The following OTOP2 variants were observed in gnomAD, a reference collection of about 807,000 sequenced individuals.
The protein encoded by OTOP2 is otopetrin 2.
A neutral mutation model predicts 47.4 loss-of-function variants in OTOP2; 41 were observed. The observed-to-expected ratio is 0.87, with a 90% CI of 0.67 to 1.12. The LOEUF is 1.12. OTOP2 is among the 50% of genes most tolerant of loss of function. The pLI is 0.00. For missense variants in OTOP2, 721 were observed against 752.2 expected (o/e 0.96, Z 0.49); for synonymous variants, 328 against 319.6 (o/e 1.03, Z -0.28).
rs764156392 is a variant in OTOP2 at position 74,925,700 on chromosome 17, G to A, written c.450+8G>A. 2.0e-5 allele frequency: 33 copies of A among 1,613,938 alleles called. No homozygotes were observed. Among genetic ancestry groups the A allele is most frequent in the Non-Finnish European group, 2.6e-5 (31 of 1,179,978 alleles). ...GTGTTTGTCATCATCCAGGTGGGTGGAGGAGTGTCGCTGTGTGGAAGAAAG... is the reference window on the plus strand; with the variant it reads ...GTGTTTGTCATCATCCAGGTGGGTGAAGGAGTGTCGCTGTGTGGAAGAAAG... On this transcript the variant is annotated splice_region_variant and intron_variant, in intron 3 of 6. Coordinates refer to ENST00000331427, the MANE Select transcript of OTOP2 (RefSeq NM_178160.3).
Position 74,927,264 on chromosome 17 carries a change from C to G in OTOP2, c.492C>G (p.Val164=), listed in dbSNP as rs2144765094. 1.2e-6 allele frequency: 2 copies of G among 1,613,492 alleles called. No individual in the cohort carries two copies. Among genetic ancestry groups the G allele is most frequent in the East Asian group, 2.2e-5 (1 of 44,884 alleles). Residue 164 remains valine, a synonymous_variant, in exon 4 of 7, where the codon GTC becomes GTG. Coordinates refer to ENST00000331427, the MANE Select transcript of OTOP2 (RefSeq NM_178160.3). ...TCTCTGCTAAAGACTGCGTTCACGT[C>G]CACCTGGATCTGACCTGGTGAGAAC... ...LWVSAKDCVH[V]HLDLTWCGLM...
At chr17:74,925,121 G>A (rs1176728984) in intron 2 of OTOP2, among the ~76,000 whole-genome samples, 176 bp downstream of exon 2, 1 of 152,142 alleles carries the variant, frequency 6.6e-6, no homozygotes, top group African/African-American at 2.4e-5. Flanking sequence ...GAAGGTAAGG[G>A]GTCCTGGGGG....
At chr17:74,928,920 G>A (rs1434869574) in intron 5 of OTOP2, among the ~76,000 whole-genome samples, 2 of 152,134 alleles carry the variant, frequency 1.3e-5, no homozygotes, top group African/African-American at 2.4e-5. Flanking sequence ...CCTGCACAGA[G>A]AGGACTCCTG....
At chr17:74,928,567 T>TA (rs1383331917) in intron 5 of OTOP2, among the ~76,000 whole-genome samples, 1 of 152,114 alleles carries the variant, frequency 6.6e-6, no homozygotes, top group Admixed American at 6.5e-5. Flanking sequence ...CTGAGTGTCT[T>TA]AAACACTCCA....
rs771418941 is a variant in OTOP2 at position 74,927,796 on chromosome 17, AC to A, written c.643del (p.Gln215SerfsTer100). 1 of 1,613,710 alleles carries A rather than the reference AC, an allele frequency of 6.2e-7. No homozygotes were observed. The highest frequency in any genetic ancestry group is 1.7e-5 in the Admixed American group (1 of 59,950). ...SNASHARLIS[D>X]QHADNPVGGD... is the part of the protein sequence containing the mutation. Reference sequence around the variant, plus strand: ...GCCAGCCACGCCCGTCTCATCTCTGACCGTGAGTTTCCTCTTAATGCTGGCC... The same window carrying A: ...GCCAGCCACGCCCGTCTCATCTCTGACGTGAGTTTCCTCTTAATGCTGGCC... On this transcript the variant is annotated frameshift_variant and splice_region_variant, in exon 5 of 7. Coordinates refer to ENST00000331427, the MANE Select transcript of OTOP2 (RefSeq NM_178160.3). LOFTEE classifies it high-confidence loss of function.
rs766711069 is a variant in OTOP2, at chr17:74,930,697, C to T, written c.1062C>T (p.Arg354=). ...GCTCCATCATCTACCGTTTTGACCG[C>T]CGGGCCATGGACCACCATAAGAACC... ...LSGSIIYRFD[R]RAMDHHKNPT... Residue 354 remains arginine (R), a synonymous_variant, in exon 6 of 7, where the codon CGC becomes CGT. Transcript: ENST00000331427. This position sits in a 1 kb window ranked among gnomAD's most constrained non-coding sequence, Gnocchi z 4.0. The T allele has an allele frequency of 1.2e-6, 2 of 1,614,118 alleles. No homozygotes were observed. The highest frequency in any genetic ancestry group is 2.2e-5 in the South Asian group (2 of 91,078).
Position 74,933,440 on chromosome 17 carries a change from C to T in OTOP2, c.1584C>T (p.Tyr528=), listed in dbSNP as rs200097991. Residue 528 remains tyrosine (Y), a synonymous_variant, in exon 7 of 7, where the codon TAC becomes TAT. Coordinates refer to ENST00000331427, the MANE Select transcript of OTOP2 (RefSeq NM_178160.3). This position sits in a 1 kb window ranked among gnomAD's most constrained non-coding sequence, Gnocchi z 4.7. The part of the protein sequence containing the change: ...HFSNTVEVDF[Y]GYSLWAVIVN... Reference sequence around the variant, plus strand: ...GCAACACAGTGGAGGTGGATTTCTACGGCTACTCCCTCTGGGCGGTCATCG... The same window carrying T: ...GCAACACAGTGGAGGTGGATTTCTATGGCTACTCCCTCTGGGCGGTCATCG... 4.2e-4 allele frequency: 673 copies of T among 1,614,132 alleles called. 1 individual carries two copies. The highest frequency in any genetic ancestry group is 2.8e-3 in the Admixed American group (169 of 60,030).
chr17:74,925,036 T>C (rs746909582), intron 2 of OTOP2, 91 bp downstream of exon 2: 16 of 1,400,698 alleles, frequency 1.1e-5, no homozygotes, highest in Non-Finnish European at 1.5e-5. Flanking sequence ...CAGATTGACA[T>C]ACGAGGGCGA....
intron 5 of OTOP2, 171 bp downstream of exon 5, chr17:74,927,969 C>T: frequency 1.1e-6 from 1 of 895,368 alleles, no homozygotes; most frequent in Non-Finnish European, 1.6e-6. Flanking sequence ...GTAGGTGACC[C>T]CAGAAGGGAA....
intron 3 of OTOP2, among the ~76,000 whole-genome samples, 155 bp from the exon 4 acceptor site, chr17:74,927,068 C>T (rs1443375938): frequency 6.6e-6 from 1 of 152,226 alleles, no homozygotes; most frequent in Non-Finnish European, 1.5e-5. Flanking sequence ...AGCCACTGCA[C>T]CCAGCCTCCA....
chr17:74,930,194 A>G lies in OTOP2; in HGVS notation c.644-85A>G. 1 of 544,368 alleles carries G rather than the reference A, an allele frequency of 1.8e-6. No individual in the cohort carries two copies. Among genetic ancestry groups the G allele is most frequent in the Non-Finnish European group, 2.6e-6 (1 of 388,280 alleles). 33.7% of individuals were successfully genotyped at this position (544,368 alleles called of 1,614,324 possible). On this transcript the variant is annotated intron_variant, in intron 5 of 6. Transcript: ENST00000331427. The surrounding 1 kb of genome is among the most constrained non-coding windows in gnomAD (Gnocchi z 4.0). ...GTGAAACTCCGTCTCAAAACAAAAC[A>G]AAAAAAAAAAGGTCACAGGCTAGGG...
intron 3 of OTOP2, among the ~76,000 whole-genome samples, chr17:74,926,508 A>G (rs947131671): frequency 1.3e-5 from 2 of 152,058 alleles, no homozygotes; most frequent in Non-Finnish European, 2.9e-5. Flanking sequence ...TGAGAAGTCC[A>G]CAGAGACTCC....
In OTOP2 at chr17:74,924,938, G is replaced by T; in HGVS notation, c.306G>T (p.Trp102Cys). The change falls in exon 2 of 7, where the codon TGG (tryptophan) becomes TGT (cysteine). Residue 102 changes from tryptophan (W) to cysteine (C), a missense_variant. Physicochemically the swap from Trp to Cys is radical, Grantham distance 215. Coordinates refer to ENST00000331427, the MANE Select transcript of OTOP2 (RefSeq NM_178160.3). This position sits in a 1 kb window ranked among gnomAD's most constrained non-coding sequence, Gnocchi z 7.7. ...PYRDAHAGPI[W>C]LRGGLVLFGI... ...GGGACGCGCACGCTGGCCCCATCTG[G>T]CTCCGAGGTGCCAGGGGAGGTGGGG... The T allele has an allele frequency of 1.3e-6, 2 of 1,558,950 alleles. No individual in the cohort carries two copies. The highest frequency in any genetic ancestry group is 8.7e-7 in the Non-Finnish European group (1 of 1,150,284).
At position 74,933,406 on chromosome 17, in the gene OTOP2, C is replaced by A; in HGVS notation, c.1550C>A (p.Pro517His). ...ATCATGCCTGCCTTCGGGGCCCGCC[C>A]TCATTTCAGCAACACAGTGGAGGTG... ...LWIMPAFGARPHFSNTVEVDF... is the reference protein window; with the variant it reads ...LWIMPAFGARHHFSNTVEVDF... The change falls in exon 7 of 7, where the codon CCT becomes CAT. Residue 517 changes from proline (P) to histidine (H), a missense_variant. Pro to His is a moderately conservative substitution (Grantham distance 77). Coordinates refer to ENST00000331427, the MANE Select transcript of OTOP2 (RefSeq NM_178160.3). This position sits in a 1 kb window ranked among gnomAD's most constrained non-coding sequence, Gnocchi z 4.7. The A allele has an allele frequency of 6.2e-7, 1 of 1,613,148 alleles. No homozygotes were observed. Among genetic ancestry groups the A allele is most frequent in the Non-Finnish European group, 8.5e-7 (1 of 1,179,146 alleles).
chr17:74,924,897 T>C lies in OTOP2; in HGVS notation c.265T>C (p.Cys89Arg), dbSNP rs989475118. 6.3e-7 allele frequency: 1 copy of C among 1,594,706 alleles called. No homozygotes were observed. Among genetic ancestry groups the C allele is most frequent in the South Asian group, 1.1e-5 (1 of 88,178 alleles). ...FYLLRTVRCP[C>R]AVPYRDAHAG... ...CCTCCTCCGAACCGTGCGCTGCCCC[T>C]GCGCGGTACCCTACCGGGACGCGCA... The change falls in exon 2 of 7, where the codon TGC becomes CGC. Residue 89 changes from cysteine to arginine, a missense_variant. Cys to Arg is a radical substitution (Grantham distance 180). Coordinates refer to ENST00000331427, the MANE Select transcript of OTOP2 (RefSeq NM_178160.3). The surrounding 1 kb of genome is among the most constrained non-coding windows in gnomAD (Gnocchi z 7.7).
chr17:74,931,404 A>G (rs2039057705), intron 6 of OTOP2, among the ~76,000 whole-genome samples: 1 of 152,176 alleles, frequency 6.6e-6, no homozygotes, highest in South Asian at 2.1e-4. Flanking sequence ...GAAGGGTCCC[A>G]GGGAAGGTTG....
intron 3 of OTOP2, among the ~76,000 whole-genome samples, chr17:74,926,036 A>C (rs2039005255): frequency 6.6e-6 from 1 of 152,256 alleles, no homozygotes; most frequent in Non-Finnish European, 1.5e-5. Context: ...CTTCTGTGTC[A>C]GCCCAGGCTC....
Position 74,933,689 on chromosome 17 carries a change from TTTTTCCAGGTTCAA to T in OTOP2, c.*149_*162del, listed in dbSNP as rs1263261298. ...CAGAGTGGAATTTTCACAAAAGTTA[TTTTTCCAGGTTCAA>T]TTTTTAAATCACAGTCAGGACAGGC... On this transcript the variant is annotated 3_prime_UTR_variant, in exon 7 of 7. Coordinates refer to ENST00000331427, the MANE Select transcript of OTOP2 (RefSeq NM_178160.3). The surrounding 1 kb of genome is among the most constrained non-coding windows in gnomAD (Gnocchi z 4.7). The T allele has an allele frequency of 8.0e-6, 8 of 1,004,328 alleles. No individual in the cohort carries two copies. Among genetic ancestry groups the T allele is most frequent in the Non-Finnish European group, 1.1e-5 (8 of 719,914 alleles). The allele number at this position is 1,004,328 out of a possible 1,614,324, so 62.2% of individuals were successfully genotyped here. A position where few individuals can be genotyped will look rare whatever the true frequency, so the allele number is the denominator to read the frequency against.
At position 74,933,507 on chromosome 17, in the gene OTOP2, G is replaced by T. The variant is rs767473175; in HGVS notation, c.1651G>T (p.Ala551Ser). ...LPFGIFYRMH[A>S]VSSLLEVYVL... ...TTTCGGCATCTTCTACCGCATGCAC[G>T]CTGTGTCCAGCCTGCTGGAGGTCTA... The change falls in exon 7 of 7, where the codon GCT (alanine) becomes TCT (serine). Residue 551 changes from alanine to serine, a missense_variant. Coordinates refer to ENST00000331427, the MANE Select transcript of OTOP2 (RefSeq NM_178160.3). The surrounding 1 kb of genome is among the most constrained non-coding windows in gnomAD (Gnocchi z 4.7). 2 of 1,613,706 alleles carry T rather than the reference G, an allele frequency of 1.2e-6. No homozygotes were observed. The highest frequency in any genetic ancestry group is 1.7e-6 in the Non-Finnish European group (2 of 1,179,726).
Sources: allele counts gnomAD v4.1 joint callset (sites outside exome capture counted in the v4.1 genomes callset), GRCh38; gene constraint gnomAD v4.1.1; non-coding constraint Gnocchi (gnomAD v3.1); transcripts MANE v1.5; gene names NCBI Gene and HGNC (gene_info 2026-07-23, HGNC 2026-07-21).